PKNOX1: variants seen among roughly 807,000 people sequenced by gnomAD.
PKNOX1 encodes the protein PBX/knotted 1 homeobox 1, also known as homeobox protein PKNOX1.
In PKNOX1, 15 loss-of-function variants were observed where a neutral mutation model predicts 51.9. The observed-to-expected ratio is 0.29, with a 90% CI of 0.19 to 0.45. The LOEUF (loss-of-function observed/expected upper bound fraction) is 0.45, where lower values mean the gene tolerates loss of function less well. Ranked by LOEUF, PKNOX1 falls within the 20% of genes least tolerant of loss-of-function variation. The pLI, the probability that PKNOX1 is intolerant of heterozygous loss-of-function variation, is 1.00. For missense variants in PKNOX1, 462 were observed against 547.5 expected, an observed-to-expected ratio of 0.84 and a Z score of 1.56; for synonymous variants, 219 against 211.1, an observed-to-expected ratio of 1.04 and a Z score of -0.32.
At chr21:42,988,966 C>A (rs1360463745) in intron 1 of PKNOX1, among the ~76,000 whole-genome samples, 12 of 148,772 alleles carry the variant, frequency 8.1e-5, no homozygotes. Flanking sequence ...TGGATGAGGA[C>A]CCCCTCACTG....
At chr21:43,009,139 ATGT>A (rs1436147793) in intron 3 of PKNOX1, among the ~76,000 whole-genome samples, 1 of 152,188 alleles carries the variant, frequency 6.6e-6, no homozygotes, top group Non-Finnish European at 1.5e-5. Context: ...AAATGGCGAA[ATGT>A]TGTCTCTACT....
chr21:42,990,035 C>G (rs968040868), intron 1 of PKNOX1, among the ~76,000 whole-genome samples: 7 of 151,770 alleles, frequency 4.6e-5, no homozygotes, highest in African/African-American at 1.7e-4. Context: ...GAGGTCGAGG[C>G]TGCAGTGAGC....
At chr21:42,983,954 A>C (rs1486621798) in intron 1 of PKNOX1, among the ~76,000 whole-genome samples, 1 of 152,082 alleles carries the variant, frequency 6.6e-6, no homozygotes, top group African/African-American at 2.4e-5. Context: ...TTCCCTAATA[A>C]TTAGTGATGT....
chr21:42,985,955 C>T (rs998956314), intron 1 of PKNOX1, among the ~76,000 whole-genome samples: 9 of 144,648 alleles, frequency 6.2e-5, no homozygotes, highest in African/African-American at 1.5e-4. Flanking sequence ...GAGCTGAAAT[C>T]GTGCCATTGC....
At chr21:43,015,884 A>AT (rs1186610067) in intron 5 of PKNOX1, among the ~76,000 whole-genome samples, 2 of 150,762 alleles carry the variant, frequency 1.3e-5, no homozygotes, top group South Asian at 2.1e-4. Context: ...TGTTTTATTG[A>AT]TTTTTTTGGT....
At chr21:42,980,717 C>T (rs2059021694) in intron 1 of PKNOX1, among the ~76,000 whole-genome samples, 1 of 152,136 alleles carries the variant, frequency 6.6e-6, no homozygotes, top group Non-Finnish European at 1.5e-5. Flanking sequence ...AGCTTAGTAA[C>T]CGGATTGAGC....
intron 2 of PKNOX1, among the ~76,000 whole-genome samples, chr21:43,005,528 A>G (rs1311179545): frequency 8.1e-6 from 1 of 122,980 alleles, no homozygotes; most frequent in African/African-American, 2.9e-5. Flanking sequence ...TGGTATTTCC[A>G]ATTGACTTTT....
chr21:43,027,318 G>A (rs1407746199), intron 9 of PKNOX1, among the ~76,000 whole-genome samples: 1 of 152,166 alleles, frequency 6.6e-6, no homozygotes, highest in African/African-American at 2.4e-5. Flanking sequence ...CGCTTTCACG[G>A]GACAGATGTT....
chr21:42,989,613 T>G (rs2059075122), intron 1 of PKNOX1, among the ~76,000 whole-genome samples: 1 of 151,648 alleles, frequency 6.6e-6, no homozygotes, highest in Admixed American at 6.6e-5. Flanking sequence ...GAGATGGGGT[T>G]TCACCACGTT....
In PKNOX1 at chr21:43,021,248, C is replaced by T; in HGVS notation, c.721-55C>T. 6.8e-7 allele frequency: 1 copy of T among 1,464,412 alleles called. No homozygotes were observed. Among genetic ancestry groups the T allele is most frequent in the East Asian group, 2.3e-5 (1 of 42,802 alleles). 90.7% of individuals were successfully genotyped at this position (1,464,412 alleles called of 1,614,324 possible). ...TTTTCTCCACCTGCAGTTGTAAGTA[C>T]TTGGATATGTGAGAATTTCCTATGC... On this transcript the variant is annotated intron_variant, in intron 7 of 10. Transcript: ENST00000291547. This position sits in a 1 kb window ranked among gnomAD's most constrained non-coding sequence, Gnocchi z 4.6.
chr21:42,979,074 A>G (rs974988792), intron 1 of PKNOX1, among the ~76,000 whole-genome samples: 2 of 152,170 alleles, frequency 1.3e-5, no homozygotes, highest in African/African-American at 4.8e-5. Flanking sequence ...TAATTTTGAA[A>G]AAGTTTTGTA....
At chr21:42,988,345 G>A (rs1381157118) in intron 1 of PKNOX1, among the ~76,000 whole-genome samples, 1 of 152,164 alleles carries the variant, frequency 6.6e-6, no homozygotes, top group African/African-American at 2.4e-5. Context: ...CACTGTGCCC[G>A]GCCAGCCCTC....
At chr21:42,983,745 C>T (rs1165786881) in intron 1 of PKNOX1, among the ~76,000 whole-genome samples, 1 of 152,034 alleles carries the variant, frequency 6.6e-6, no homozygotes, top group Admixed American at 6.6e-5. Flanking sequence ...TTTTATATTC[C>T]TTTTAATTTA....
At chr21:43,009,475 TGGCGGG>T (rs1331395839) in intron 3 of PKNOX1, among the ~76,000 whole-genome samples, 1 of 151,058 alleles carries the variant, frequency 6.6e-6, no homozygotes, top group Non-Finnish European at 1.5e-5. Context: ...CTGGGCATCA[TGGCGGG>T]TGCCTGTAGT....
At chr21:42,989,274 C>T (rs990158266) in intron 1 of PKNOX1, among the ~76,000 whole-genome samples, 4 of 151,650 alleles carry the variant, frequency 2.6e-5, no homozygotes, top group Admixed American at 6.6e-5. Flanking sequence ...CCACTGGGCC[C>T]GGCCTATCCC....
rs536476162 is a variant in PKNOX1, at chr21:43,032,967, C to T, written c.*2866C>T. The T allele has an allele frequency of 6.6e-6, 1 of 152,298 alleles. No homozygotes were observed. The highest frequency in any genetic ancestry group is 6.5e-5 in the Admixed American group (1 of 15,268). The allele number at this position is 152,298 out of a possible 1,614,324, so 9.4% of individuals were successfully genotyped here. On this transcript the variant is annotated 3_prime_UTR_variant, in exon 11 of 11. Coordinates refer to ENST00000291547, the MANE Select transcript of PKNOX1 (RefSeq NM_004571.5). ...CCAGCCCTTGGACAGTGGAGAGAAT[C>T]TGTAAAAGTGTGACCCCCTCTAAGA...
intron 9 of PKNOX1, among the ~76,000 whole-genome samples, chr21:43,027,501 A>G (rs1223576468): frequency 6.6e-6 from 1 of 152,216 alleles, no homozygotes; most frequent in Non-Finnish European, 1.5e-5. Context: ...ACTTTCTCAC[A>G]TTTAAAGGCA....
At chr21:43,028,609 G>A (rs760138277) in intron 9 of PKNOX1, 93 bp from the exon 10 acceptor site, 22 of 1,175,244 alleles carry the variant, frequency 1.9e-5, no homozygotes, top group Admixed American at 1.4e-4. Flanking sequence ...AGCGTGCTTC[G>A]TAGAGCAGCG....
At position 43,033,354 on chromosome 21, in the gene PKNOX1, A is replaced by G. The variant is rs1601311288; in HGVS notation, c.*3253A>G. ...GGCACTTTTCATTGAGACAAACTCC[A>G]GGGTGTCCAGAGGGGGTTCTGCCCC... On this transcript the variant is annotated 3_prime_UTR_variant, in exon 11 of 11. Transcript: ENST00000291547. 2 of 152,622 alleles carry G rather than the reference A, an allele frequency of 1.3e-5. No individual in the cohort carries two copies. Among genetic ancestry groups the G allele is most frequent in the African/African-American group, 2.4e-5 (1 of 41,452 alleles). The allele number at this position is 152,622 out of a possible 1,614,324, so 9.5% of individuals were successfully genotyped here. A position where few individuals can be genotyped will look rare whatever the true frequency, so the allele number is the denominator to read the frequency against.
Sources: allele counts gnomAD v4.1 joint callset (sites outside exome capture counted in the v4.1 genomes callset), GRCh38; gene constraint gnomAD v4.1.1; non-coding constraint Gnocchi (gnomAD v3.1); transcripts MANE v1.5; gene names NCBI Gene and HGNC (gene_info 2026-07-23, HGNC 2026-07-21).